ERBIN: variants seen among roughly 807,000 people sequenced by gnomAD.
ERBIN encodes erbb2 interacting protein, also known as densin-180-like protein.
In ERBIN, 60 loss-of-function variants were observed where a neutral mutation model predicts 158.4. That is an observed-to-expected ratio of 0.38 (90% confidence interval 0.31 to 0.47). The LOEUF is 0.47. Among genes scored for constraint, ERBIN ranks in the 20% least tolerant of loss-of-function variants. The pLI is 0.99. For synonymous variants in ERBIN, 594 were observed against 557.2 expected (o/e 1.07, Z -0.93); for missense variants, 1,610 against 1,648.0 (o/e 0.98, Z 0.40).
At chr5:65,977,322 A>G (rs1427976933) in intron 1 of ERBIN, among the ~76,000 whole-genome samples, 1 of 132,402 alleles carries the variant, frequency 7.6e-6, no homozygotes, top group African/African-American at 3.0e-5. Context: ...CTCCCGGACG[A>G]GGTGGCTGCC....
At chr5:65,967,846 A>C (rs73762620) in intron 1 of ERBIN, among the ~76,000 whole-genome samples, 3,978 of 152,186 alleles carry the variant, frequency 0.026, 176 homozygotes, top group African/African-American at 0.092. Flanking sequence ...TTCTTGCTCA[A>C]ATTCTTACGT....
At chr5:66,020,269 T>C (rs376830974) in intron 7 of ERBIN, among the ~76,000 whole-genome samples, 1 of 152,190 alleles carries the variant, frequency 6.6e-6, no homozygotes, top group East Asian at 1.9e-4. Context: ...TGTTTTTATA[T>C]TTTTGACTAA....
At chr5:66,001,261 A>G (rs1301851300) in intron 4 of ERBIN, among the ~76,000 whole-genome samples, 1 of 152,090 alleles carries the variant, frequency 6.6e-6, no homozygotes, top group Non-Finnish European at 1.5e-5. Context: ...AGGTTTTTAT[A>G]TCATTTCAGT....
intron 4 of ERBIN, among the ~76,000 whole-genome samples, chr5:66,010,973 G>A (rs1182161249): frequency 1.3e-5 from 2 of 150,988 alleles, no homozygotes; most frequent in East Asian, 3.9e-4. Context: ...ACAGTATTTT[G>A]TAAGTGTATT....
rs1023237173 is a variant in ERBIN, at chr5:65,972,542, G to A, written c.-57-16093G>A. On this transcript the variant is annotated intron_variant, in intron 1 of 25. Transcript: ENST00000284037. ...AAGAATATTTGTTACTTAAAATTAA[G>A]TACTTTCAAAATAATGTTTGGTTAA... Among the ~76,000 whole-genome samples the A allele has an allele frequency of 2.6e-5, 4 of 151,348 alleles. 1 individual carries two copies. Among genetic ancestry groups the A allele is most frequent in the African/African-American group, 4.9e-5 (2 of 40,680 alleles).
At chr5:65,949,111 G>A (rs1746179571) in intron 1 of ERBIN, among the ~76,000 whole-genome samples, 1 of 151,978 alleles carries the variant, frequency 6.6e-6, no homozygotes, top group Admixed American at 6.6e-5. Flanking sequence ...GGTATGTTTA[G>A]TATCATATTA....
intron 1 of ERBIN, among the ~76,000 whole-genome samples, chr5:65,957,887 C>T (rs944385758): frequency 6.6e-6 from 1 of 151,398 alleles, no homozygotes; most frequent in African/African-American, 2.4e-5. Flanking sequence ...GGAGGCACTC[C>T]TCACTTCTCA....
intron 21 of ERBIN, among the ~76,000 whole-genome samples, chr5:66,057,431 T>C (rs1316273794): frequency 6.6e-6 from 1 of 152,208 alleles, no homozygotes; most frequent in Non-Finnish European, 1.5e-5. Flanking sequence ...AAAGTTATTT[T>C]TTTAAAACAG....
intron 21 of ERBIN, chr5:66,068,789 A>G: frequency 8.6e-7 from 1 of 1,166,022 alleles, no homozygotes; most frequent in Non-Finnish European, 1.1e-6. Flanking sequence ...TTTTGGGGTT[A>G]CTTGTAAATA....
At chr5:65,946,406 T>G (rs933094787) in intron 1 of ERBIN, among the ~76,000 whole-genome samples, 1 of 152,198 alleles carries the variant, frequency 6.6e-6, no homozygotes, top group African/African-American at 2.4e-5. Context: ...AATCATATAG[T>G]ACATGACTTT....
At chr5:66,076,467 C>A in intron 24 of ERBIN, 59 bp downstream of exon 24, 2 of 1,254,664 alleles carry the variant, frequency 1.6e-6, no homozygotes, top group Non-Finnish European at 2.3e-6. Flanking sequence ...CGATTGAATA[C>A]TTAAATGTAA....
At chr5:66,076,835 C>T (rs1762021990) in intron 24 of ERBIN, 40 bp from the exon 25 acceptor site, 1 of 1,423,736 alleles carries the variant, frequency 7.0e-7, no homozygotes, top group Non-Finnish European at 9.8e-7. Flanking sequence ...GTTATTTATA[C>T]ATACTGTTTT....
chr5:66,049,120 A>G (rs1312519275), intron 19 of ERBIN, among the ~76,000 whole-genome samples: 3 of 152,132 alleles, frequency 2.0e-5, no homozygotes, highest in Non-Finnish European at 2.9e-5. Flanking sequence ...AGGCTAATGA[A>G]GGATTTTTGC....
At chr5:66,057,502 A>G (rs962080842) in intron 21 of ERBIN, among the ~76,000 whole-genome samples, 1 of 152,202 alleles carries the variant, frequency 6.6e-6, no homozygotes, top group Non-Finnish European at 1.5e-5. Flanking sequence ...TTAAAAATTT[A>G]TAGTTCATAA....
chr5:66,063,694 C>T (rs752044199), intron 21 of ERBIN, among the ~76,000 whole-genome samples: 9 of 152,106 alleles, frequency 5.9e-5, no homozygotes, highest in Non-Finnish European at 1.0e-4. Context: ...CCCAATTTCT[C>T]GATTAAGACA....
rs1214043084 is a variant in ERBIN at position 66,079,809 on chromosome 5, TACC to T, written c.*1284_*1286del. 1 of 152,528 alleles carries T rather than the reference TACC, an allele frequency of 6.6e-6. No homozygotes were observed. The highest frequency in any genetic ancestry group is 1.5e-5 in the Non-Finnish European group (1 of 68,018). The allele number at this position is 152,528 out of a possible 1,614,324, so 9.4% of individuals were successfully genotyped here. A position where few individuals can be genotyped will look rare whatever the true frequency, so the allele number is the denominator to read the frequency against. On this transcript the variant is annotated 3_prime_UTR_variant, in exon 26 of 26. Transcript: ENST00000284037. ...TATGTGTATCAGTGTAATAGTGTTT[TACC>T]ACCAACTGCCTTTCTTTGTTCCTAG...
intron 1 of ERBIN, among the ~76,000 whole-genome samples, chr5:65,955,040 T>C (rs980217133): frequency 6.6e-6 from 1 of 152,036 alleles, no homozygotes; most frequent in African/African-American, 2.4e-5. Context: ...CACTCCAGCC[T>C]GGGTAGCAGA....
chr5:66,070,456 GC>G, intron 21 of ERBIN, among the ~76,000 whole-genome samples: 1 of 152,220 alleles, frequency 6.6e-6, no homozygotes, highest in Middle Eastern at 3.4e-3. Flanking sequence ...GGTAATCTTT[GC>G]CATTTATAGT....
chr5:65,969,593 A>C (rs915097385), intron 1 of ERBIN, among the ~76,000 whole-genome samples: 5 of 152,176 alleles, frequency 3.3e-5, no homozygotes, highest in African/African-American at 1.2e-4. Context: ...GTTCAGCTAT[A>C]TTGTTTTTGA....
Sources: gnomAD v4.1 joint callset for allele counts (sites outside exome capture counted in the v4.1 genomes callset) on GRCh38, gnomAD v4.1.1 for gene constraint, MANE v1.5 for transcripts, NCBI Gene and HGNC (gene_info 2026-07-23, HGNC 2026-07-21) for gene names.